The following WDR4 variants were observed in gnomAD, a reference collection of about 807,000 sequenced individuals.
WDR4 encodes the protein tRNA (guanine-N(7)-)-methyltransferase non-catalytic subunit WDR4.
Under a neutral mutation model 48.6 loss-of-function variants are expected in WDR4, and 47 were observed. The observed-to-expected ratio is 0.97, with a 90% CI of 0.77 to 1.23. The LOEUF is 1.23. Among genes scored for constraint, WDR4 ranks in the 50% most tolerant of loss-of-function variants. The pLI, the probability that WDR4 is intolerant of heterozygous loss-of-function variation, is 0.00. For synonymous variants in WDR4, 268 were observed against 230.0 expected (o/e 1.17, Z -1.49); for missense variants, 606 against 551.6 (o/e 1.10, Z -0.99).
rs377106680 is a variant in WDR4, at chr21:42,854,549, C to T, written c.791+13G>A. ...GCAGAACCGGAGGCCATAGAGGTGC[C>T]GCCGCAGCTTACCCGTCGCACAGGA... On this transcript the variant is annotated intron_variant, in intron 8 of 10. Transcript: ENST00000398208. The T allele has an allele frequency of 4.0e-5, 65 of 1,611,648 alleles. No individual in the cohort carries two copies. In the African/African-American group the frequency reaches 6.7e-4, roughly 17 times the overall value.
At chr21:42,861,585 G>C (rs1242877116) in intron 5 of WDR4, among the ~76,000 whole-genome samples, 1 of 152,100 alleles carries the variant, frequency 6.6e-6, no homozygotes, top group Non-Finnish European at 1.5e-5. Flanking sequence ...TGGATCACTA[G>C]CGAACTAAAT....
downstream of WDR4, among the ~76,000 whole-genome samples, chr21:42,846,945 C>T (rs896995862): frequency 7.3e-5 from 11 of 150,468 alleles, no homozygotes; most frequent in South Asian, 1.9e-3. Context: ...CGCTTGAACC[C>T]GGGAGGCGGA....
downstream of WDR4, among the ~76,000 whole-genome samples, chr21:42,847,282 A>C (rs1448750181): frequency 6.6e-6 from 1 of 152,166 alleles, no homozygotes; most frequent in East Asian, 1.9e-4. Context: ...TTCTGGGTGA[A>C]GGGGCAAGAG....
rs1602705180 is a variant in WDR4, at chr21:42,855,671, G to A, written c.726+11C>T. On this transcript the variant is annotated intron_variant, in intron 7 of 10. Transcript: ENST00000398208. The stretch of plus-strand genomic sequence containing the variant: ...GCACTCAGTCGCCCAGGAGTGAACA[G>A]AAGCAGCTACCTGGGGGGCCTGGGG... 2 of 1,544,268 alleles carry A rather than the reference G, an allele frequency of 1.3e-6. No homozygotes were observed. The highest frequency in any genetic ancestry group is 1.8e-6 in the Non-Finnish European group (2 of 1,141,448).
At chr21:42,890,312 G>A in the WDR4 span, among the ~76,000 whole-genome samples, 11 of 152,104 alleles carry the variant, frequency 7.2e-5, no homozygotes, top group Non-Finnish European at 1.5e-4. Flanking sequence ...CGAGGTGGGG[G>A]ATCACAAGGT....
chr21:42,843,205 C>T (rs959543189), exon 12 of WDR4: 6 of 152,188 alleles, frequency 3.9e-5, no homozygotes, highest in African/African-American at 1.4e-4. Context: ...TCCGAACAAG[C>T]TCATCGTCGG....
intron 2 of WDR4, among the ~76,000 whole-genome samples, chr21:42,876,093 T>C (rs2058485242): frequency 6.6e-6 from 1 of 151,316 alleles, no homozygotes; most frequent in African/African-American, 2.4e-5. Flanking sequence ...CTATTTTTAG[T>C]AGAGATGGAG....
intron 3 of WDR4, among the ~76,000 whole-genome samples, chr21:42,865,778 A>G (rs1569328141): frequency 6.6e-6 from 1 of 151,536 alleles, no homozygotes; most frequent in African/African-American, 2.4e-5. Context: ...CACTCCCTCC[A>G]CAGTCACTGG....
chr21:42,884,769 A>T, the WDR4 span, among the ~76,000 whole-genome samples: 52 of 151,882 alleles, frequency 3.4e-4, no homozygotes, highest in South Asian at 1.7e-3. Flanking sequence ...ATCACTTGTT[A>T]TTATGTCTTT....
At chr21:42,865,996 T>C (rs1571739) in intron 3 of WDR4, among the ~76,000 whole-genome samples, 97,777 of 152,006 alleles carry the variant, frequency 0.64, 33,183 homozygotes, top group African/African-American at 0.86. Flanking sequence ...AGCAGCCAGG[T>C]GCTCTCTCTC....
Position 42,876,218 on chromosome 21 carries a change from C to CTTTT in WDR4, c.155+480_155+483dup, listed in dbSNP as rs373181618. Among the ~76,000 whole-genome samples, 11 of 105,850 alleles carry CTTTT rather than the reference C, an allele frequency of 1.0e-4. 1 individual carries two copies. The highest frequency in any genetic ancestry group is 2.7e-4 in the African/African-American group (7 of 25,592). 69.4% of individuals were successfully genotyped at this position (105,850 alleles called of 152,430 possible). On this transcript the variant is annotated intron_variant, in intron 2 of 10. Transcript: ENST00000398208. The stretch of plus-strand genomic sequence containing the variant: ...CCGCACCCGGCACTAACACTGTACT[C>CTTTT]TTTTTTTTTTTGGGAGACAGAGTCT...
At chr21:42,870,224 G>A (rs1200222644) in intron 3 of WDR4, among the ~76,000 whole-genome samples, 1 of 151,986 alleles carries the variant, frequency 6.6e-6, no homozygotes, top group African/African-American at 2.4e-5. Context: ...GGTGGTAAGT[G>A]CCTGTAATCT....
At chr21:42,864,373 C>T (rs1413825615) in intron 3 of WDR4, among the ~76,000 whole-genome samples, 4 of 151,962 alleles carry the variant, frequency 2.6e-5, no homozygotes, top group South Asian at 2.1e-4. Context: ...CCAGCCTTGC[C>T]GCTCCCCTGA....
At chr21:42,863,696 G>C in intron 3 of WDR4, 100 bp from the exon 4 acceptor site, 1 of 1,327,908 alleles carries the variant, frequency 7.5e-7, no homozygotes, top group Non-Finnish European at 1.0e-6. Context: ...CCGGTACCTG[G>C]CCATATGCTC....
intron 2 of WDR4, among the ~76,000 whole-genome samples, chr21:42,874,595 C>A (rs1027246212): frequency 4.6e-5 from 7 of 152,054 alleles, no homozygotes; most frequent in African/African-American, 1.4e-4. Context: ...AAAGAGAATG[C>A]GCCCCTGAGG....
At position 42,850,109 on chromosome 21, in the gene WDR4, C is replaced by T. The variant is rs759460966; in HGVS notation, c.1179G>A (p.Pro393=). ...TCTTGGCATGCCCGTCGGGCCCAGG[C>T]GGGGGACTCCGGCGCCGCTGCTTCT... is the stretch of plus-strand genomic sequence containing the variant. ...LEKKQRRRSP[P]PGPDGHAKKM... Residue 393 remains proline, a synonymous_variant, in exon 11 of 11, where the codon CCG becomes CCA. Transcript: ENST00000398208. 1.5e-5 allele frequency: 24 copies of T among 1,613,956 alleles called. No homozygotes were observed. The highest frequency in any genetic ancestry group is 3.3e-5 in the Admixed American group (2 of 59,976).
chr21:42,860,495 T>C (rs1328755384), intron 5 of WDR4, among the ~76,000 whole-genome samples: 5 of 152,222 alleles, frequency 3.3e-5, no homozygotes, highest in African/African-American at 7.2e-5. Flanking sequence ...ATGCACGGGG[T>C]TCCCGGGGAC....
At chr21:42,878,408 T>C (rs2058549642) in intron 1 of WDR4, among the ~76,000 whole-genome samples, 1 of 152,244 alleles carries the variant, frequency 6.6e-6, no homozygotes, top group South Asian at 2.1e-4. Context: ...TCATGTCTAA[T>C]ATATCCACAG....
intron 2 of WDR4, 47 bp from the exon 3 acceptor site, chr21:42,873,738 A>C: frequency 2.5e-6 from 4 of 1,594,120 alleles, no homozygotes; most frequent in Non-Finnish European, 3.4e-6. Context: ...TAAGGAAATA[A>C]GGCTGCATTC....
Sources: allele counts gnomAD v4.1 joint callset (sites outside exome capture counted in the v4.1 genomes callset), GRCh38; gene constraint gnomAD v4.1.1; transcripts MANE v1.5; gene names NCBI Gene and HGNC (gene_info 2026-07-23, HGNC 2026-07-21).